Variants in FHAD1 observed in about 807,000 individuals in gnomAD.
FHAD1 encodes the protein forkhead associated phosphopeptide binding domain 1.
In FHAD1, 146 loss-of-function variants were observed where a neutral mutation model predicts 191.3. The observed-to-expected ratio is 0.76, with a 90% CI of 0.67 to 0.88. The LOEUF is 0.88. Among genes scored for constraint, FHAD1 ranks in the 40% least tolerant of loss-of-function variants. The pLI, the probability that FHAD1 is intolerant of heterozygous loss-of-function variation, is 0.00. For missense variants in FHAD1, 1,635 were observed against 1,785.8 expected, an observed-to-expected ratio of 0.92 and a Z score of 1.52; for synonymous variants, 616 against 672.3, an observed-to-expected ratio of 0.92 and a Z score of 1.29.
Position 15,271,146 on chromosome 1 carries a change from A to G in FHAD1, c.94-1177A>G, listed in dbSNP as rs1486060381. Among the ~76,000 whole-genome samples, 239 of 146,952 alleles carry G rather than the reference A, an allele frequency of 1.6e-3. 2 individuals are homozygous for G. Among genetic ancestry groups the G allele is most frequent in the African/African-American group, 5.7e-3 (223 of 39,330 alleles). ...AGAGCGAGACTCCATCTCGGAAAAA[A>G]AAAAAAAAAAAAAAAAATTAGCTGG... On this transcript the variant is annotated intron_variant, in intron 2 of 33. Transcript: ENST00000688493.
chr1:15,269,769 G>A (rs1043605577), intron 2 of FHAD1, among the ~76,000 whole-genome samples: 2 of 152,180 alleles, frequency 1.3e-5, no homozygotes, highest in Non-Finnish European at 2.9e-5. Flanking sequence ...GGAAGTTTCA[G>A]CTGTCATATT....
intron 5 of FHAD1, among the ~76,000 whole-genome samples, chr1:15,300,866 G>A (rs141333999): frequency 1.3e-5 from 2 of 152,122 alleles, no homozygotes; most frequent in African/African-American, 4.8e-5. Flanking sequence ...TTTTGCTCTT[G>A]TTGCCCAGGC....
At chr1:15,252,519 T>C (rs1615862) in intron 2 of FHAD1, among the ~76,000 whole-genome samples, 44,325 of 152,056 alleles carry the variant, frequency 0.29, 7,503 homozygotes, top group Non-Finnish European at 0.39. Flanking sequence ...ACCCTGTCCC[T>C]ATTTTAGCTA....
intron 2 of FHAD1, among the ~76,000 whole-genome samples, chr1:15,253,164 G>GTGTT (rs1646999395): frequency 2.2e-5 from 3 of 138,942 alleles, no homozygotes; most frequent in Admixed American, 2.1e-4. Context: ...GTGTGTGTGT[G>GTGTT]TGTGTGTGTG....
chr1:15,262,973 C>T (rs1432936815), intron 2 of FHAD1, among the ~76,000 whole-genome samples: 2 of 152,164 alleles, frequency 1.3e-5, no homozygotes, highest in Admixed American at 6.6e-5. Context: ...CACTTATTTT[C>T]TGTGTTTTTA....
intron 14 of FHAD1, among the ~76,000 whole-genome samples, chr1:15,336,212 A>G (rs1176957799): frequency 6.6e-6 from 1 of 152,226 alleles, no homozygotes; most frequent in Non-Finnish European, 1.5e-5. Context: ...CGTTTCACCT[A>G]TAAATATGAA....
At chr1:15,269,853 T>C (rs1005494895) in intron 2 of FHAD1, among the ~76,000 whole-genome samples, 47 of 152,290 alleles carry the variant, frequency 3.1e-4, no homozygotes, top group African/African-American at 9.6e-4. Context: ...GTTAGGTGCA[T>C]GCACATCAAG....
At chr1:15,354,216 C>T (rs1691925240) in intron 20 of FHAD1, among the ~76,000 whole-genome samples, 1 of 152,206 alleles carries the variant, frequency 6.6e-6, no homozygotes, top group East Asian at 1.9e-4. Flanking sequence ...TTTCTTGGAC[C>T]CCACCCCAAG....
At chr1:15,273,810 G>A (rs1657141133) in intron 3 of FHAD1, among the ~76,000 whole-genome samples, 1 of 152,150 alleles carries the variant, frequency 6.6e-6, no homozygotes, top group South Asian at 2.1e-4. Context: ...TTGTGGCGCT[G>A]CTGTCACACC....
chr1:15,301,284 T>A lies in FHAD1; in HGVS notation c.758T>A (p.Ile253Lys), dbSNP rs1411685775. 3 of 1,551,702 alleles carry A rather than the reference T, an allele frequency of 1.9e-6. No individual in the cohort carries two copies. The highest frequency in any genetic ancestry group is 2.6e-6 in the Non-Finnish European group (3 of 1,146,986). The change falls in exon 6 of 34, where the codon ATA becomes AAA. Residue 253 changes from isoleucine to lysine, a missense_variant. Ile to Lys is a moderately radical substitution (Grantham distance 102). Coordinates refer to ENST00000688493, the MANE Select transcript of FHAD1 (RefSeq NM_001391957.1). ...YEIESKYKDV[I>K]IANLQNEVAE... is the part of the protein sequence containing the mutation. Reference sequence around the variant, plus strand: ...ATTGAATCCAAATACAAAGACGTCATAATAGCAAACCTGCAGAATGAAGTG... The same window carrying A: ...ATTGAATCCAAATACAAAGACGTCAAAATAGCAAACCTGCAGAATGAAGTG...
At chr1:15,322,914 A>G (rs1676799231) in intron 10 of FHAD1, among the ~76,000 whole-genome samples, 1 of 152,240 alleles carries the variant, frequency 6.6e-6, no homozygotes, top group Non-Finnish European at 1.5e-5. Context: ...TTACAGTTCC[A>G]CATGGCTAGG....
intron 1 of FHAD1, among the ~76,000 whole-genome samples, chr1:15,248,578 C>A (rs952934392): frequency 1.4e-5 from 2 of 144,632 alleles, no homozygotes; most frequent in African/African-American, 5.2e-5. Context: ...AAGGAGATGA[C>A]CTTTTTTTTT....
chr1:15,386,269 G>A (rs540773821), intron 31 of FHAD1, among the ~76,000 whole-genome samples: 5 of 152,324 alleles, frequency 3.3e-5, no homozygotes, highest in African/African-American at 4.8e-5. Flanking sequence ...ACTCGGGGGC[G>A]GGGGCAGTGC....
chr1:15,315,800 T>G (rs898810492), intron 8 of FHAD1, among the ~76,000 whole-genome samples: 1 of 152,172 alleles, frequency 6.6e-6, no homozygotes, highest in Non-Finnish European at 1.5e-5. Flanking sequence ...ATTTCCTTTT[T>G]GTTCACTATG....
At chr1:15,266,409 C>CTT (rs112177423) in intron 2 of FHAD1, among the ~76,000 whole-genome samples, 13 of 140,692 alleles carry the variant, frequency 9.2e-5, no homozygotes, top group African/African-American at 2.8e-4. Context: ...CTGGCCTAGA[C>CTT]TTTTTTTTTT....
At chr1:15,393,828 T>C (rs376479184) in intron 33 of FHAD1, among the ~76,000 whole-genome samples, 43 of 152,190 alleles carry the variant, frequency 2.8e-4, no homozygotes, top group African/African-American at 1.0e-3. Flanking sequence ...AGCCCAGTGT[T>C]TGGAGGACAA....
At chr1:15,322,309 C>T (rs943505856) in intron 10 of FHAD1, among the ~76,000 whole-genome samples, 3 of 152,174 alleles carry the variant, frequency 2.0e-5, no homozygotes, top group African/African-American at 7.2e-5. Context: ...TTTGCATGGA[C>T]TCAGCATTTT....
In FHAD1 at chr1:15,317,932, C is replaced by T. The variant is rs1558094758; in HGVS notation, c.1365+4C>T. ...GACTCTGAGAGAAAAAAGCAAGGTA[C>T]GTAGTGGACAACAGGCCCAGAGAGT... is the stretch of plus-strand genomic sequence containing the variant. On this transcript the variant is annotated splice_donor_region_variant and intron_variant, in intron 10 of 33. Coordinates refer to ENST00000688493, the MANE Select transcript of FHAD1 (RefSeq NM_001391957.1). The T allele has an allele frequency of 4.5e-6, 7 of 1,541,552 alleles. No individual in the cohort carries two copies. The highest frequency in any genetic ancestry group is 2.4e-5 in the East Asian group (1 of 40,858).
chr1:15,360,408 C>A, intron 21 of FHAD1, 70 bp from the exon 22 acceptor site: 1 of 1,375,522 alleles, frequency 7.3e-7, no homozygotes, highest in Non-Finnish European at 1.0e-6. Flanking sequence ...TGTGTGTGCC[C>A]AGGGGGCATA....
Sources: gnomAD v4.1 joint callset for allele counts (sites outside exome capture counted in the v4.1 genomes callset) on GRCh38, gnomAD v4.1.1 for gene constraint, MANE v1.5 for transcripts, NCBI Gene and HGNC (gene_info 2026-07-23, HGNC 2026-07-21) for gene names.